LRRC73: variants seen among roughly 807,000 people sequenced by gnomAD.
LRRC73 encodes leucine-rich repeat-containing protein 73.
In LRRC73, 16 loss-of-function variants were observed where a neutral mutation model predicts 26.4. The observed-to-expected ratio is 0.61, with a 90% CI of 0.41 to 0.92. The LOEUF is 0.92. LRRC73 is among the 40% of genes least tolerant of loss of function. The pLI, the probability that LRRC73 is intolerant of heterozygous loss-of-function variation, is 0.00. For missense variants in LRRC73, 344 were observed against 416.3 expected (o/e 0.83, Z 1.51); for synonymous variants, 210 against 179.8 (o/e 1.17, Z -1.34).
intron 5 of LRRC73, 58 bp from the exon 6 acceptor site, chr6:43,507,366 G>A (rs534789954): frequency 6.2e-7 from 1 of 1,609,518 alleles, no homozygotes. Context: ...GGGGACCACA[G>A]ATAGGTGAGA....
chr6:43,507,979 C>A, intron 3 of LRRC73, 53 bp from the exon 4 acceptor site: 1 of 1,483,152 alleles, frequency 6.7e-7, no homozygotes, highest in Non-Finnish European at 9.3e-7. Context: ...CTAATCCTTA[C>A]AGATAGCTTC....
At chr6:43,506,997 C>G (rs1469180273) in exon 6 of LRRC73, 3 of 538,154 alleles carry the variant, frequency 5.6e-6, no homozygotes, top group East Asian at 3.2e-5. Flanking sequence ...TCCGAGCCAG[C>G]GGGTTGCAGC....
At chr6:43,509,816 G>A (rs775786126) in exon 1 of LRRC73, 1 of 1,477,050 alleles carries the variant, frequency 6.8e-7, no homozygotes, top group East Asian at 2.6e-5. Flanking sequence ...CGGGTACGGG[G>A]CCGGAACGGA....
At chr6:43,509,000 G>A in intron 1 of LRRC73, 80 bp from the exon 2 acceptor site, 1 of 1,406,318 alleles carries the variant, frequency 7.1e-7, no homozygotes. Context: ...ACTTCTGTCA[G>A]CCCTAGGTAT....
At chr6:43,508,999 A>C (rs915961530) in intron 1 of LRRC73, 79 bp from the exon 2 acceptor site, 2 of 1,407,488 alleles carry the variant, frequency 1.4e-6, no homozygotes, top group African/African-American at 2.9e-5. Flanking sequence ...CACTTCTGTC[A>C]GCCCTAGGTA....
chr6:43,509,983 C>T (rs1448178725), exon 1 of LRRC73: 5 of 380,354 alleles, frequency 1.3e-5, no homozygotes, highest in Non-Finnish European at 2.2e-5. Flanking sequence ...GCTACCGGGA[C>T]TGAGCCGGAG....
In LRRC73 at chr6:43,507,441, C is replaced by T. The variant is rs751688200; in HGVS notation, c.880+15G>A. 1 of 1,612,684 alleles carries T rather than the reference C, an allele frequency of 6.2e-7. No individual in the cohort carries two copies. The highest frequency in any genetic ancestry group is 1.3e-5 in the African/African-American group (1 of 74,914). On this transcript the variant is annotated intron_variant, in intron 5 of 5. Coordinates refer to ENST00000372441, the Ensembl canonical transcript of LRRC73. ...TCTTCCAGACCTGGCTCTGATCAAC[C>T]CTCTGGGTTCTTACCGCTGGGGCAC...
intron 4 of LRRC73, 56 bp downstream of exon 4, chr6:43,507,770 C>T: frequency 1.3e-6 from 2 of 1,594,394 alleles, no homozygotes; most frequent in South Asian, 1.1e-5. Flanking sequence ...TCATCAGACA[C>T]ATAAACTAAC....
exon 2 of LRRC73, chr6:43,508,868 G>A (rs747958951): frequency 2.5e-6 from 4 of 1,612,536 alleles, no homozygotes; most frequent in African/African-American, 2.7e-5. Context: ...TGGAGGGCCA[G>A]GGCTGGGTTC....
chr6:43,509,878 G>A (rs1478581403), exon 1 of LRRC73: 2 of 1,194,100 alleles, frequency 1.7e-6, no homozygotes, highest in Non-Finnish European at 2.2e-6. Flanking sequence ...TCGGGGCCCC[G>A]GCAGGGGTCG....
At chr6:43,508,893 C>G in exon 2 of LRRC73, 1 of 1,609,816 alleles carries the variant, frequency 6.2e-7, no homozygotes, top group South Asian at 1.1e-5. Flanking sequence ...AGGCCAGCCC[C>G]GCATCTGTCA....
At chr6:43,507,044 A>C (rs1050463187) in exon 6 of LRRC73, 14 of 606,324 alleles carry the variant, frequency 2.3e-5, no homozygotes, top group African/African-American at 2.2e-4. Flanking sequence ...CCGTGGGTTC[A>C]AGTGCCCCCC....
exon 4 of LRRC73, chr6:43,507,885 T>G (rs754342847): frequency 6.2e-7 from 1 of 1,613,944 alleles, no homozygotes; most frequent in Middle Eastern, 1.6e-4. Flanking sequence ...AGGGTACGAC[T>G]AGAGGCCACA....
rs556206472 is a variant in LRRC73 at position 43,509,829 on chromosome 6, T to C, written c.-44A>G. Reference sequence around the variant, plus strand: ...TCCGGGTACGGGGCCGGAACGGAGGTTGGTGGGGCCGCGGGCGGGGCCGGG... The same window carrying C: ...TCCGGGTACGGGGCCGGAACGGAGGCTGGTGGGGCCGCGGGCGGGGCCGGG... On this transcript the variant is annotated 5_prime_UTR_variant, in exon 1 of 6. Coordinates refer to ENST00000372441, the Ensembl canonical transcript of LRRC73. 5.0e-4 allele frequency: 708 copies of C among 1,429,350 alleles called. 1 individual carries two copies. The highest frequency in any genetic ancestry group is 6.0e-4 in the Non-Finnish European group (665 of 1,100,644). The allele number at this position is 1,429,350 out of a possible 1,614,324, so 88.5% of individuals were successfully genotyped here.
intron 5 of LRRC73, 43 bp downstream of exon 5, chr6:43,507,413 G>A: frequency 4.3e-6 from 7 of 1,610,054 alleles, no homozygotes; most frequent in South Asian, 1.1e-5. Flanking sequence ...CTTGTCCCGA[G>A]CCTCTTCCAG....
At chr6:43,509,615 G>C (rs1409414837) in exon 1 of LRRC73, 1 of 1,605,972 alleles carries the variant, frequency 6.2e-7, no homozygotes, top group Non-Finnish European at 8.5e-7. Context: ...GCTGCGCCAG[G>C]GACGTGGCCC....
At chr6:43,509,592 A>C (rs752791695) in exon 1 of LRRC73, 1 of 1,608,164 alleles carries the variant, frequency 6.2e-7, no homozygotes, top group Admixed American at 1.7e-5. Flanking sequence ...CACGACGCCC[A>C]GGTTAAGGTT....
exon 4 of LRRC73, chr6:43,507,906 G>A: frequency 6.2e-7 from 1 of 1,613,790 alleles, no homozygotes. Context: ...GCTACAGCCA[G>A]CATTCCTGCC....
At chr6:43,510,230 C>G (rs1792623867) in exon 1 of LRRC73, 1 of 154,544 alleles carries the variant, frequency 6.5e-6, no homozygotes, top group Non-Finnish European at 1.4e-5. Context: ...AGGCCGTACC[C>G]GCTCCCTCCT....
Sources: gnomAD v4.1 joint callset for allele counts on GRCh38, gnomAD v4.1.1 for gene constraint, MANE v1.5 for transcripts, NCBI Gene and HGNC (gene_info 2026-07-23, HGNC 2026-07-21) for gene names.